ZNF461: variants seen among roughly 807,000 people sequenced by gnomAD.
The protein encoded by ZNF461 is gonadotropin-inducible ovarian transcription factor-1.
A neutral mutation model predicts 18.3 loss-of-function variants in ZNF461; 16 were observed. The observed-to-expected ratio is 0.88, with a 90% confidence interval of 0.59 to 1.33. ZNF461 has a LOEUF of 1.33. Ranked by LOEUF, ZNF461 falls within the 40% of genes most tolerant of loss-of-function variation. The pLI is 0.00. For missense variants in ZNF461, 595 were observed against 669.9 expected (o/e 0.89, Z 1.23); for synonymous variants, 179 against 216.9 (o/e 0.83, Z 1.54).
At chr19:36,640,221 T>C in intron 5 of ZNF461, 178 bp from the exon 6 acceptor site, 1 of 522,334 alleles carries the variant, frequency 1.9e-6, no homozygotes, top group Non-Finnish European at 3.2e-6. Flanking sequence ...AGTAGTTAAT[T>C]AGGGAAATAA....
intron 3 of ZNF461, among the ~76,000 whole-genome samples, chr19:36,657,071 C>T (rs1207649423): frequency 6.6e-6 from 1 of 151,612 alleles, no homozygotes; most frequent in Non-Finnish European, 1.5e-5. Flanking sequence ...CCACTTGCCT[C>T]AGCGTCCCAA....
Position 36,663,516 on chromosome 19 carries a change from ATTT to A in ZNF461, c.9+1179_9+1181del, listed in dbSNP as rs753269882. The stretch of plus-strand genomic sequence containing the variant: ...TCTCTGGTCTTAACTTTATTATGTA[ATTT>A]TTTTTTTTTTTTTTTTTTTAGACAG... On this transcript the variant is annotated intron_variant, in intron 2 of 5. Coordinates refer to ENST00000588268, the MANE Select transcript of ZNF461 (RefSeq NM_153257.5). 2.0e-3 allele frequency among the ~76,000 whole-genome samples: 260 copies of A among 129,852 alleles called. 2 individuals are homozygous for A. The Middle Eastern group carries it at 0.02, about 10-fold the overall frequency. The allele number at this position is 129,852 out of a possible 152,430, so 85.2% of individuals were successfully genotyped here. A position where few individuals can be genotyped will look rare whatever the true frequency, so the allele number is the denominator to read the frequency against.
chr19:36,652,128 G>T (rs993384879), intron 4 of ZNF461, among the ~76,000 whole-genome samples: 2 of 152,080 alleles, frequency 1.3e-5, no homozygotes, highest in East Asian at 1.9e-4. Context: ...AAAGAACCTT[G>T]ATCTAAATTT....
intron 2 of ZNF461, among the ~76,000 whole-genome samples, chr19:36,661,133 C>T (rs1419275117): frequency 1.3e-5 from 2 of 151,906 alleles, no homozygotes; most frequent in African/African-American, 4.8e-5. Flanking sequence ...AAAACATTAG[C>T]CAGGGGTGGT....
chr19:36,661,970 A>G (rs184128792), intron 2 of ZNF461, among the ~76,000 whole-genome samples: 89 of 152,188 alleles, frequency 5.8e-4, no homozygotes, highest in Non-Finnish European at 1.0e-3. Flanking sequence ...CCCGGGTTCA[A>G]GTGATTCTTC....
intron 4 of ZNF461, among the ~76,000 whole-genome samples, chr19:36,650,162 G>C (rs180920061): frequency 1.3e-5 from 2 of 152,192 alleles, no homozygotes; most frequent in Non-Finnish European, 2.9e-5. Flanking sequence ...GAAAGAGTGA[G>C]ACTCCGTCTT....
In ZNF461 at chr19:36,639,938, G is replaced by A. The variant is rs771885755; in HGVS notation, c.407C>T (p.Pro136Leu). ...GATAGCGCTGAAAATTGATCTCTCA[G>A]GACTATGGCTTTTAAATTCTTCCAT... is the stretch of plus-strand genomic sequence containing the variant. ...VNMEEFKSHS[P>L]ERSIFSAIWE... The change falls in exon 6 of 6, where the codon CCT becomes CTT. Residue 136 changes from proline to leucine, a missense_variant. Coordinates refer to ENST00000588268, the MANE Select transcript of ZNF461 (RefSeq NM_153257.5). 2 of 1,613,836 alleles carry A rather than the reference G, an allele frequency of 1.2e-6. No individual in the cohort carries two copies. Among genetic ancestry groups the A allele is most frequent in the East Asian group, 2.2e-5 (1 of 44,858 alleles).
intron 2 of ZNF461, among the ~76,000 whole-genome samples, chr19:36,662,254 T>C (rs1263772288): frequency 6.6e-6 from 1 of 151,954 alleles, no homozygotes; most frequent in Non-Finnish European, 1.5e-5. Flanking sequence ...GTCCTGCTTT[T>C]TAATTTAATT....
intron 4 of ZNF461, among the ~76,000 whole-genome samples, chr19:36,652,959 T>C (rs757936171): frequency 1.3e-5 from 2 of 152,168 alleles, no homozygotes; most frequent in Non-Finnish European, 2.9e-5. Context: ...TTTCACTAAA[T>C]AGGATAGACA....
chr19:36,639,800 G>A lies in ZNF461; in HGVS notation c.545C>T (p.Thr182Ile). The change falls in exon 6 of 6, where the codon ACT becomes ATT. Residue 182 changes from threonine (T) to isoleucine (I), a missense_variant. Thr to Ile is a moderately conservative substitution (Grantham distance 89). Coordinates refer to ENST00000588268, the MANE Select transcript of ZNF461 (RefSeq NM_153257.5). ...TTTCTCTCTATCATAAAATTCTTGA[G>A]TGAGTAAAGTATGTTGGCTAAAAAT... ...MPIFSQHTLL[T>I]QEFYDREKIS... 6.2e-7 allele frequency: 1 copy of A among 1,613,826 alleles called. No homozygotes were observed. Among genetic ancestry groups the A allele is most frequent in the Non-Finnish European group, 8.5e-7 (1 of 1,179,806 alleles).
chr19:36,656,720 CA>C (rs1394513429), intron 3 of ZNF461, among the ~76,000 whole-genome samples, 177 bp from the exon 4 acceptor site: 2 of 151,574 alleles, frequency 1.3e-5, no homozygotes, highest in Non-Finnish European at 2.9e-5. Flanking sequence ...AGGATCATAA[CA>C]AACAAAGCAA....
At chr19:36,666,422 T>C (rs970962845) in intron 1 of ZNF461, among the ~76,000 whole-genome samples, 5 of 151,986 alleles carry the variant, frequency 3.3e-5, no homozygotes, top group Non-Finnish European at 7.4e-5. Context: ...TTCACGTAAA[T>C]AAATGAGATT....
At chr19:36,651,017 G>A (rs1048758530) in intron 4 of ZNF461, among the ~76,000 whole-genome samples, 29 of 151,552 alleles carry the variant, frequency 1.9e-4, no homozygotes, top group African/African-American at 5.6e-4. Context: ...GGATCACGAG[G>A]TCAGGAGATC....
Position 36,639,650 on chromosome 19 carries a change from C to T in ZNF461, c.695G>A (p.Cys232Tyr). ...KECTEIVNTPCLFKQQTIQNG... is the reference protein window; with the variant it reads ...KECTEIVNTPYLFKQQTIQNG... ...TTGAATTGTCTGTTGTTTAAAAAGGCATGGTGTATTAACAATTTCTGTGCA... is the reference window on the plus strand; with the variant it reads ...TTGAATTGTCTGTTGTTTAAAAAGGTATGGTGTATTAACAATTTCTGTGCA... Residue 232 changes from cysteine (C) to tyrosine (Y), a missense_variant, in exon 6 of 6, where the codon TGC becomes TAC. Coordinates refer to ENST00000588268, the MANE Select transcript of ZNF461 (RefSeq NM_153257.5). The T allele has an allele frequency of 6.2e-7, 1 of 1,613,796 alleles. No individual in the cohort carries two copies. The highest frequency in any genetic ancestry group is 8.5e-7 in the Non-Finnish European group (1 of 1,179,794).
chr19:36,658,449 A>G (rs1363753501), intron 2 of ZNF461, 24 bp from the exon 3 acceptor site: 1 of 1,563,874 alleles, frequency 6.4e-7, no homozygotes, highest in Non-Finnish European at 8.6e-7. Context: ...TAATAGTACT[A>G]TTTTTGAAAT....
chr19:36,658,462 T>C (rs1600442456), intron 2 of ZNF461, 37 bp from the exon 3 acceptor site: 2 of 1,545,680 alleles, frequency 1.3e-6, no homozygotes, highest in Non-Finnish European at 1.7e-6. Flanking sequence ...TTTGAAATTA[T>C]AAGAAATGTT....
In ZNF461 at chr19:36,639,625, T is replaced by TTGAA. The variant is rs1297196751; in HGVS notation, c.716_719dup (p.Gln240HisfsTer5). The TTGAA allele has an allele frequency of 1.9e-6, 3 of 1,613,570 alleles. No homozygotes were observed. In the Middle Eastern group the frequency reaches 4.9e-4, roughly 265 times the overall value. Reference sequence around the variant, plus strand: ...TACACTCATTGCATTTGTCACCATTTTGAATTGTCTGTTGTTTAAAAAGGC... The same window carrying TTGAA: ...TACACTCATTGCATTTGTCACCATTTTGAATGAATTGTCTGTTGTTTAAAAAGGC... On this transcript the variant is annotated frameshift_variant, in exon 6 of 6. Transcript: ENST00000588268. LOFTEE classifies it low-confidence loss of function (END_TRUNC).
At chr19:36,659,503 G>A (rs2145411359) in intron 2 of ZNF461, among the ~76,000 whole-genome samples, 1 of 152,232 alleles carries the variant, frequency 6.6e-6, no homozygotes, top group East Asian at 1.9e-4. Flanking sequence ...GAGCTCCTGG[G>A]CTCAAGCAAT....
intron 4 of ZNF461, among the ~76,000 whole-genome samples, chr19:36,652,548 G>C (rs1245325472): frequency 6.6e-6 from 1 of 151,100 alleles, no homozygotes; most frequent in East Asian, 1.9e-4. Flanking sequence ...AAGAACATTG[G>C]AGAAAATCTT....
Sources: allele counts gnomAD v4.1 joint callset (sites outside exome capture counted in the v4.1 genomes callset), GRCh38; gene constraint gnomAD v4.1.1; transcripts MANE v1.5; gene names NCBI Gene and HGNC (gene_info 2026-07-23, HGNC 2026-07-21).